Variants in ARIH1 observed in about 807,000 individuals in gnomAD.
ARIH1 encodes E3 ubiquitin-protein ligase ARIH1.
ARIH1 carries 8 observed loss-of-function variants against 85.0 expected under a neutral mutation model. The ratio of observed to expected loss-of-function variants is 0.09; its 90% CI spans 0.06 to 0.17. The LOEUF (loss-of-function observed/expected upper bound fraction) is 0.17. ARIH1 is among the 10% of genes least tolerant of loss of function. The pLI is 1.00. For missense variants in ARIH1, 311 were observed against 718.1 expected (o/e 0.43, Z 6.48); for synonymous variants, 238 against 253.6 (o/e 0.94, Z 0.59).
At chr15:72,548,863 A>G (rs999231611) in intron 3 of ARIH1, among the ~76,000 whole-genome samples, 1 of 152,184 alleles carries the variant, frequency 6.6e-6, no homozygotes, top group African/African-American at 2.4e-5. Flanking sequence ...GCAGTGTCAC[A>G]TGCACATTTT....
chr15:72,582,226 A>C lies in ARIH1; in HGVS notation c.1589+39A>C. On this transcript the variant is annotated intron_variant, in intron 13 of 13. Transcript: ENST00000379887. This position sits in a 1 kb window ranked among gnomAD's most constrained non-coding sequence, Gnocchi z 4.6. The stretch of plus-strand genomic sequence containing the variant: ...AAGCTGTTGAATAAAACTTTCTGCC[A>C]GTGATGATCCTTACTGGTAAAGTTC... The C allele has an allele frequency of 2.1e-6, 3 of 1,412,484 alleles. No homozygotes were observed. The highest frequency in any genetic ancestry group is 3.0e-6 in the Non-Finnish European group (3 of 1,004,458). The allele number at this position is 1,412,484 out of a possible 1,614,324, so 87.5% of individuals were successfully genotyped here. A position where few individuals can be genotyped will look rare whatever the true frequency, so the allele number is the denominator to read the frequency against.
At chr15:72,525,667 TGA>T (rs1194106952) in intron 2 of ARIH1, among the ~76,000 whole-genome samples, 1 of 152,198 alleles carries the variant, frequency 6.6e-6, no homozygotes, top group Non-Finnish European at 1.5e-5. Flanking sequence ...TAAAATCACC[TGA>T]GAAGTGAAAA....
intron 2 of ARIH1, among the ~76,000 whole-genome samples, chr15:72,526,887 A>G (rs1413413369): frequency 7.4e-6 from 1 of 135,086 alleles, no homozygotes; most frequent in Non-Finnish European, 1.6e-5. Flanking sequence ...AAATCTCTGC[A>G]GATTAATTTC....
At chr15:72,545,567 C>CTA (rs2064125283) in intron 3 of ARIH1, among the ~76,000 whole-genome samples, 1 of 152,238 alleles carries the variant, frequency 6.6e-6, no homozygotes, top group African/African-American at 2.4e-5. Context: ...TGGCTCATGC[C>CTA]TATAATCCCA....
At chr15:72,498,211 T>TTAA (rs1466263392) in intron 1 of ARIH1, among the ~76,000 whole-genome samples, 2 of 151,120 alleles carry the variant, frequency 1.3e-5, no homozygotes, top group African/African-American at 4.8e-5. Flanking sequence ...GATGCATTCT[T>TTAA]ATGTCAATAG....
chr15:72,475,437 T>C (rs7174825), intron 1 of ARIH1, among the ~76,000 whole-genome samples: 5,704 of 152,302 alleles, frequency 0.037, 110 homozygotes, highest in Middle Eastern at 0.054. Flanking sequence ...TGAGCACTTT[T>C]GGAAGGGATT....
At chr15:72,531,648 A>G (rs1233004244) in intron 2 of ARIH1, among the ~76,000 whole-genome samples, 4 of 152,224 alleles carry the variant, frequency 2.6e-5, no homozygotes, top group Non-Finnish European at 5.9e-5. Flanking sequence ...GATACAAGAA[A>G]GGCTGCTTTC....
chr15:72,491,656 T>A (rs1323205821), intron 1 of ARIH1, among the ~76,000 whole-genome samples: 1 of 152,224 alleles, frequency 6.6e-6, no homozygotes, highest in Non-Finnish European at 1.5e-5. Flanking sequence ...TCTACCAAAT[T>A]CACTGAATTA....
At chr15:72,483,408 C>T (rs2063824197) in intron 1 of ARIH1, among the ~76,000 whole-genome samples, 3 of 152,184 alleles carry the variant, frequency 2.0e-5, no homozygotes, top group South Asian at 4.1e-4. Flanking sequence ...GAAGTAACGT[C>T]GCATCACTTT....
intron 2 of ARIH1, among the ~76,000 whole-genome samples, chr15:72,541,283 C>T (rs2064106274): frequency 6.6e-6 from 1 of 152,162 alleles, no homozygotes; most frequent in African/African-American, 2.4e-5. Context: ...CTCAGCTTCT[C>T]TCCCGACACT....
At chr15:72,569,347 C>CT (rs1357939672) in intron 9 of ARIH1, among the ~76,000 whole-genome samples, 1 of 152,086 alleles carries the variant, frequency 6.6e-6, no homozygotes, top group African/African-American at 2.4e-5. Flanking sequence ...AAAAAACAAT[C>CT]TAACACGATC....
Position 72,602,454 on chromosome 15 carries a change from T to C in ARIH1, c.*19162T>C, listed in dbSNP as rs1254880131. The stretch of plus-strand genomic sequence containing the variant: ...TTCTTGGTGAATTGTTCATAAACTT[T>C]GCTTACTTATTATCTAATGTCTGAC... On this transcript the variant is annotated 3_prime_UTR_variant, in exon 14 of 14. Transcript: ENST00000379887. 6.6e-6 allele frequency: 1 copy of C among 152,250 alleles called. No homozygotes were observed. Among genetic ancestry groups the C allele is most frequent in the Non-Finnish European group, 1.5e-5 (1 of 68,044 alleles). The allele number at this position is 152,250 out of a possible 1,614,324, so 9.4% of individuals were successfully genotyped here.
rs2063837067 is a variant in ARIH1, at chr15:72,486,270, TA to T, written c.375+11258del. Reference sequence around the variant, plus strand: ...GAAAATTTCAGAAAAAAACAATTTGTAAGTTTTAAATTGTACACCATTCTGA... The same window carrying T: ...GAAAATTTCAGAAAAAAACAATTTGTAGTTTTAAATTGTACACCATTCTGA... On this transcript the variant is annotated intron_variant, in intron 1 of 13. Transcript: ENST00000379887. Among the ~76,000 whole-genome samples the T allele has an allele frequency of 2.0e-5, 3 of 152,178 alleles. No homozygotes were observed. In the South Asian group the frequency reaches 6.2e-4, roughly 31 times the overall value.
rs1399504238 is a variant in ARIH1, at chr15:72,596,362, T to G, written c.*13070T>G. 1.3e-5 allele frequency: 2 copies of G among 152,220 alleles called. No homozygotes were observed. Among genetic ancestry groups the G allele is most frequent in the Non-Finnish European group, 2.9e-5 (2 of 68,038 alleles). 9.4% of individuals were successfully genotyped at this position (152,220 alleles called of 1,614,324 possible). A position where few individuals can be genotyped will look rare whatever the true frequency, so the allele number is the denominator to read the frequency against. ...TTATTTCCTTTCCGTAATGTGTGGT[T>G]GTTCTCAATGGCTGCATCTGTGCAT... On this transcript the variant is annotated 3_prime_UTR_variant, in exon 14 of 14. Coordinates refer to ENST00000379887, the MANE Select transcript of ARIH1 (RefSeq NM_005744.5).
intron 1 of ARIH1, among the ~76,000 whole-genome samples, chr15:72,487,982 T>C (rs2063843922): frequency 6.6e-6 from 1 of 152,206 alleles, no homozygotes; most frequent in Non-Finnish European, 1.5e-5. Context: ...ATTTGTGTTT[T>C]CATGCTTTTG....
At chr15:72,503,261 A>G (rs898046535) in intron 1 of ARIH1, among the ~76,000 whole-genome samples, 1 of 152,210 alleles carries the variant, frequency 6.6e-6, no homozygotes, top group African/African-American at 2.4e-5. Context: ...CAACAGTAGC[A>G]GAAATGCAGC....
intron 1 of ARIH1, among the ~76,000 whole-genome samples, chr15:72,504,164 C>T (rs923989359): frequency 6.6e-6 from 1 of 152,214 alleles, no homozygotes; most frequent in Non-Finnish European, 1.5e-5. Flanking sequence ...AAGCGATTCT[C>T]CTGCCTCAGT....
chr15:72,496,897 C>G (rs939766604), intron 1 of ARIH1: 1 of 967,756 alleles, frequency 1.0e-6, no homozygotes, highest in Non-Finnish European at 1.2e-6. Flanking sequence ...CATTAAAAGA[C>G]CATTAAACAC....
intron 11 of ARIH1, among the ~76,000 whole-genome samples, chr15:72,573,727 A>C (rs995538591): frequency 6.6e-6 from 1 of 151,848 alleles, no homozygotes; most frequent in African/African-American, 2.4e-5. Context: ...ATAAACAAAA[A>C]CCAGCTATAA....
Sources: allele counts gnomAD v4.1 joint callset (sites outside exome capture counted in the v4.1 genomes callset), GRCh38; gene constraint gnomAD v4.1.1; non-coding constraint Gnocchi (gnomAD v3.1); transcripts MANE v1.5; gene names NCBI Gene and HGNC (gene_info 2026-07-23, HGNC 2026-07-21).